Variants in PCNP observed in about 807,000 individuals in gnomAD.
The protein encoded by PCNP is PEST proteolytic signal-containing nuclear protein.
In PCNP, 6 loss-of-function variants were observed where a neutral mutation model predicts 21.8. The observed-to-expected ratio is 0.28, with a 90% confidence interval of 0.15 to 0.54. PCNP has a LOEUF of 0.54. Among genes scored for constraint, PCNP ranks in the 20% least tolerant of loss-of-function variants. The pLI is 0.95. For synonymous variants in PCNP, 67 were observed against 73.2 expected, an observed-to-expected ratio of 0.92 and a Z score of 0.43; for missense variants, 161 against 215.5, an observed-to-expected ratio of 0.75 and a Z score of 1.58.
rs539436171 is a variant in PCNP at position 101,590,279 on chromosome 3, A to C, written c.410+9A>C. 7.2e-7 allele frequency: 1 copy of C among 1,384,446 alleles called. No homozygotes were observed. Among genetic ancestry groups the C allele is most frequent in the East Asian group, 2.3e-5 (1 of 43,022 alleles). The allele number at this position is 1,384,446 out of a possible 1,614,324, so 85.8% of individuals were successfully genotyped here. A position where few individuals can be genotyped will look rare whatever the true frequency, so the allele number is the denominator to read the frequency against. On this transcript the variant is annotated intron_variant, in intron 4 of 4. Transcript: ENST00000265260. ...ATGAAGAATATTGGAAGGTATTATA[A>C]TTTTTCATAAATATTATAGAAAGAT...
At chr3:101,579,129 A>ATT (rs34194679) in intron 1 of PCNP, among the ~76,000 whole-genome samples, 8 of 149,766 alleles carry the variant, frequency 5.3e-5, no homozygotes, top group East Asian at 1.9e-4. Context: ...CCAAAGTATG[A>ATT]TTTTTTTTTT....
chr3:101,574,342 G>T, intron 1 of PCNP, 63 bp downstream of exon 1: 2 of 1,488,928 alleles, frequency 1.3e-6, no homozygotes, highest in South Asian at 2.5e-5. Flanking sequence ...TGAGCTCCCA[G>T]GGTGGGGGGA....
chr3:101,577,356 A>T (rs1366720602), intron 1 of PCNP, among the ~76,000 whole-genome samples: 1 of 152,202 alleles, frequency 6.6e-6, no homozygotes, highest in African/African-American at 2.4e-5. Flanking sequence ...AATGAAGTTG[A>T]CATTTATTAT....
intron 1 of PCNP, 47 bp downstream of exon 1, chr3:101,574,326 T>C (rs1934738191): frequency 6.7e-7 from 1 of 1,499,848 alleles, no homozygotes; most frequent in Non-Finnish European, 9.0e-7. Context: ...GCTCCGGGCC[T>C]TTCTTTGAGC....
At chr3:101,574,339 C>G in intron 1 of PCNP, 60 bp downstream of exon 1, 1 of 1,473,874 alleles carries the variant, frequency 6.8e-7, no homozygotes, top group South Asian at 1.3e-5. Flanking sequence ...CTTTGAGCTC[C>G]CAGGGTGGGG....
chr3:101,593,166 T>TA lies in PCNP; in HGVS notation c.*414dup, dbSNP rs1935904296. On this transcript the variant is annotated 3_prime_UTR_variant, in exon 5 of 5. Transcript: ENST00000265260. Reference sequence around the variant, plus strand: ...TGTCTGGCTCCCAGGAACAGCCTTATAGAGAGAGGGAGTATTGTATTGGGA... The same window carrying TA: ...TGTCTGGCTCCCAGGAACAGCCTTATAAGAGAGAGGGAGTATTGTATTGGGA... 6.5e-6 allele frequency: 1 copy of TA among 153,348 alleles called. No individual in the cohort carries two copies. Among genetic ancestry groups the TA allele is most frequent in the African/African-American group, 2.4e-5 (1 of 41,452 alleles). The allele number at this position is 153,348 out of a possible 1,614,324, so 9.5% of individuals were successfully genotyped here.
chr3:101,576,154 G>A (rs1934868258), intron 1 of PCNP, among the ~76,000 whole-genome samples: 1 of 151,544 alleles, frequency 6.6e-6, no homozygotes, highest in Non-Finnish European at 1.5e-5. Flanking sequence ...TTGTCTTAGG[G>A]GCTTAACTAG....
intron 2 of PCNP, among the ~76,000 whole-genome samples, chr3:101,582,694 G>A (rs138335755): frequency 1.3e-5 from 2 of 152,206 alleles, no homozygotes; most frequent in Non-Finnish European, 2.9e-5. Flanking sequence ...TGTAAAAAAT[G>A]TGTGTGGTAT....
At chr3:101,579,081 G>A (rs993314885) in intron 1 of PCNP, among the ~76,000 whole-genome samples, 2 of 151,556 alleles carry the variant, frequency 1.3e-5, no homozygotes, top group Non-Finnish European at 2.9e-5. Flanking sequence ...TTGAAATTAT[G>A]ATTAGCTCAT....
intron 1 of PCNP, chr3:101,576,960 A>G (rs1487439519): frequency 7.0e-6 from 9 of 1,291,530 alleles, no homozygotes; most frequent in African/African-American, 1.5e-5. Context: ...CGGCAGCACA[A>G]GCGGCGGCGT....
chr3:101,590,600 T>G (rs992472683), intron 4 of PCNP, among the ~76,000 whole-genome samples: 2 of 151,678 alleles, frequency 1.3e-5, no homozygotes, highest in African/African-American at 4.8e-5. Context: ...GCTGGAATGC[T>G]GTGGCACAAT....
intron 1 of PCNP, among the ~76,000 whole-genome samples, chr3:101,579,213 G>T (rs1435103245): frequency 3.3e-5 from 5 of 151,812 alleles, no homozygotes; most frequent in Admixed American, 1.3e-4. Context: ...TCTCAAGAGG[G>T]AATGACCTTG....
At position 101,584,718 on chromosome 3, in the gene PCNP, C is replaced by T. The variant is rs528074436; in HGVS notation, c.280-719C>T. ...TAACTAGGATTACAGGCACTCACCA[C>T]CACACCTGGCTGATTTTTTGTGTTT... On this transcript the variant is annotated intron_variant, in intron 2 of 4. Transcript: ENST00000265260. 1.4e-3 allele frequency among the ~76,000 whole-genome samples: 210 copies of T among 152,314 alleles called. 1 individual carries two copies. The highest frequency in any genetic ancestry group is 4.7e-3 in the African/African-American group (195 of 41,580).
chr3:101,582,762 T>G (rs1935291538), intron 2 of PCNP, among the ~76,000 whole-genome samples: 1 of 152,232 alleles, frequency 6.6e-6, no homozygotes, highest in Non-Finnish European at 1.5e-5. Context: ...ACTGATGAAG[T>G]GATCTTTGAG....
intron 1 of PCNP, chr3:101,576,492 T>C (rs1003894195): frequency 1.3e-6 from 2 of 1,596,142 alleles, no homozygotes; most frequent in Non-Finnish European, 8.6e-7. Flanking sequence ...TACAGACTTA[T>C]TTCTTCTTGG....
intron 4 of PCNP, among the ~76,000 whole-genome samples, chr3:101,590,659 C>A (rs1328359519): frequency 2.6e-5 from 4 of 152,072 alleles, no homozygotes; most frequent in East Asian, 3.9e-4. Context: ...GCCCTCCCAC[C>A]TCAGCCTCTC....
At chr3:101,589,257 C>G (rs886953360) in intron 3 of PCNP, among the ~76,000 whole-genome samples, 2 of 152,026 alleles carry the variant, frequency 1.3e-5, no homozygotes, top group African/African-American at 4.8e-5. Context: ...ACAGATTTAA[C>G]CAGTAGAAGT....
chr3:101,592,571 AT>A, intron 4 of PCNP, 55 bp from the exon 5 acceptor site: 17 of 1,415,278 alleles, frequency 1.2e-5, no homozygotes, highest in Non-Finnish European at 1.6e-5. Flanking sequence ...AATCAAAATC[AT>A]AACCTGAAAG....
At chr3:101,584,419 G>T (rs1188990214) in intron 2 of PCNP, among the ~76,000 whole-genome samples, 1 of 152,160 alleles carries the variant, frequency 6.6e-6, no homozygotes, top group African/African-American at 2.4e-5. Context: ...GATTGCACAT[G>T]TGAGGCACTG....
Sources: gnomAD v4.1 joint callset for allele counts (sites outside exome capture counted in the v4.1 genomes callset) on GRCh38, gnomAD v4.1.1 for gene constraint, MANE v1.5 for transcripts, NCBI Gene and HGNC (gene_info 2026-07-23, HGNC 2026-07-21) for gene names.